The following RHOQ variants were observed in gnomAD, a reference collection of about 807,000 sequenced individuals.
RHOQ encodes the protein ras homolog family member Q.
In RHOQ, 7 loss-of-function variants were observed where a neutral mutation model predicts 25.8. That is an observed-to-expected ratio of 0.27 (90% CI 0.15 to 0.51). The LOEUF (loss-of-function observed/expected upper bound fraction) is 0.51. RHOQ is among the 20% of genes least tolerant of loss of function. RHOQ has a pLI of 0.97. For synonymous variants in RHOQ, 97 were observed against 98.6 expected (o/e 0.98, Z 0.10); for missense variants, 165 against 260.6 (o/e 0.63, Z 2.53).
chr2:46,582,719 C>T lies in RHOQ; in HGVS notation c.*1636C>T, dbSNP rs1418919896. 2 of 152,564 alleles carry T rather than the reference C, an allele frequency of 1.3e-5. No homozygotes were observed. Among genetic ancestry groups the T allele is most frequent in the East Asian group, 1.9e-4 (1 of 5,202 alleles). 9.5% of individuals were successfully genotyped at this position (152,564 alleles called of 1,614,324 possible). On this transcript the variant is annotated 3_prime_UTR_variant, in exon 5 of 5. Transcript: ENST00000238738. ...ACAGATTGGGTAATGGAACACTAAACTTTTATACTTGAAAATGACAGCCTT... is the reference window on the plus strand; with the variant it reads ...ACAGATTGGGTAATGGAACACTAAATTTTTATACTTGAAAATGACAGCCTT...
chr2:46,584,614 T>C lies in RHOQ; in HGVS notation c.*3531T>C, dbSNP rs1669507449. Among the ~76,000 whole-genome samples the C allele has an allele frequency of 6.6e-6, 1 of 152,176 alleles. No individual in the cohort carries two copies. The highest frequency in any genetic ancestry group is 1.5e-5 in the Non-Finnish European group (1 of 68,002). The stretch of plus-strand genomic sequence containing the variant: ...AAGGGTTACGGCTTGGAACACTTGG[T>C]TATTCATGTTATGTAAATCAAGAAG... On this transcript the variant is annotated 3_prime_UTR_variant, in exon 5 of 5. Transcript: ENST00000238738.
chr2:46,553,372 C>G (rs1292539924), intron 2 of RHOQ, among the ~76,000 whole-genome samples: 2 of 151,914 alleles, frequency 1.3e-5, no homozygotes, highest in Admixed American at 6.6e-5. Context: ...TAGGCGTAAA[C>G]ATTTGTGGGG....
chr2:46,558,019 C>A (rs1372964472), intron 2 of RHOQ, among the ~76,000 whole-genome samples: 1 of 152,162 alleles, frequency 6.6e-6, no homozygotes, highest in Non-Finnish European at 1.5e-5. Context: ...CTCAAGTGAA[C>A]AATTATCTTG....
intron 4 of RHOQ, among the ~76,000 whole-genome samples, chr2:46,577,507 C>T (rs140626398): frequency 0.022 from 3,196 of 143,692 alleles, 42 homozygotes; most frequent in Non-Finnish European, 0.033. Flanking sequence ...TCATGCCATT[C>T]TCCTGCCTCA....
At chr2:46,547,541 A>G (rs1244993437) in intron 2 of RHOQ, among the ~76,000 whole-genome samples, 1 of 152,346 alleles carries the variant, frequency 6.6e-6, no homozygotes, top group East Asian at 1.9e-4. Flanking sequence ...GCCAAAGGGA[A>G]CACTTCCCCT....
In RHOQ at chr2:46,576,241, T is replaced by C. The variant is rs142995611; in HGVS notation, c.356T>C (p.Ile119Thr). The change falls in exon 3 of 5, where the codon ATA becomes ACA. Residue 119 changes from isoleucine to threonine, a missense_variant. Transcript: ENST00000238738. This position sits in a 1 kb window ranked among gnomAD's most constrained non-coding sequence, Gnocchi z 5.1. ...EYAPNVPFLL[I>T]GTQIDLRDDP... ...GCACCAAATGTACCCTTTTTATTAA[T>C]AGGAACTCAGGTATGTCTGGTTTGA... The C allele has an allele frequency of 1.1e-4, 177 of 1,609,288 alleles. 4 individuals are homozygous for C. In the Admixed American group the frequency reaches 2.9e-3, roughly 26 times the overall value.
chr2:46,549,175 C>T (rs772522639), intron 2 of RHOQ, among the ~76,000 whole-genome samples: 4 of 152,164 alleles, frequency 2.6e-5, no homozygotes, highest in Non-Finnish European at 4.4e-5. Context: ...ACAGCTTCCC[C>T]GCAGGTATCT....
intron 2 of RHOQ, among the ~76,000 whole-genome samples, chr2:46,561,845 G>A (rs1221620753): frequency 6.6e-6 from 1 of 152,024 alleles, no homozygotes; most frequent in African/African-American, 2.4e-5. Context: ...GAGGAAATAG[G>A]GTCAGAGATA....
rs1668724402 is a variant in RHOQ, at chr2:46,566,146, G to A, written c.202-9941G>A. On this transcript the variant is annotated intron_variant, in intron 2 of 4. Transcript: ENST00000238738. This position sits in a 1 kb window ranked among gnomAD's most constrained non-coding sequence, Gnocchi z 4.2. ...TTTCTGGCTTGTGCACCCTGATTGA[G>A]TGGTGATATCTTCTAGTGAGATGGT... is the stretch of plus-strand genomic sequence containing the variant. Among the ~76,000 whole-genome samples, 1 of 152,206 alleles carries A rather than the reference G, an allele frequency of 6.6e-6. No individual in the cohort carries two copies.
chr2:46,556,452 C>T lies in RHOQ; in HGVS notation c.201+12640C>T, dbSNP rs1303655892. ...AGGCGAGGGCTGATCTCTTCTCTAC[C>T]CTTCTGATATTCTTTTTCTTAAAAA... On this transcript the variant is annotated intron_variant, in intron 2 of 4. Coordinates refer to ENST00000238738, the MANE Select transcript of RHOQ (RefSeq NM_012249.4). This position sits in a 1 kb window ranked among gnomAD's most constrained non-coding sequence, Gnocchi z 4.9. Among the ~76,000 whole-genome samples the T allele has an allele frequency of 6.6e-6, 1 of 151,642 alleles. No individual in the cohort carries two copies. Among genetic ancestry groups the T allele is most frequent in the Non-Finnish European group, 1.5e-5 (1 of 67,964 alleles).
chr2:46,563,853 A>T (rs537373895), intron 2 of RHOQ, among the ~76,000 whole-genome samples: 1 of 151,574 alleles, frequency 6.6e-6, no homozygotes, highest in Non-Finnish European at 1.5e-5. Flanking sequence ...GGGTCTCCCT[A>T]TGTTGCCCAG....
Position 46,576,709 on chromosome 2 carries a change from C to A in RHOQ, c.462+53C>A, listed in dbSNP as rs1268749131. 2.5e-6 allele frequency: 3 copies of A among 1,205,984 alleles called. No homozygotes were observed. The highest frequency in any genetic ancestry group is 1.5e-5 in the African/African-American group (1 of 65,544). The allele number at this position is 1,205,984 out of a possible 1,614,324, so 74.7% of individuals were successfully genotyped here. A position where few individuals can be genotyped will look rare whatever the true frequency, so the allele number is the denominator to read the frequency against. On this transcript the variant is annotated intron_variant, in intron 4 of 4. Transcript: ENST00000238738. This position sits in a 1 kb window ranked among gnomAD's most constrained non-coding sequence, Gnocchi z 5.1. ...ATGAATGTAAAAGATGCTAAGATAA[C>A]AATAGAAGCTAATTTTATTGTGTAT...
intron 2 of RHOQ, among the ~76,000 whole-genome samples, chr2:46,560,861 T>C (rs2104001993): frequency 6.6e-6 from 1 of 152,314 alleles, no homozygotes; most frequent in South Asian, 2.1e-4. Context: ...TAGATTTGGG[T>C]GTTTTGAAGT....
chr2:46,546,944 G>T (rs1668088809), intron 2 of RHOQ, among the ~76,000 whole-genome samples: 2 of 152,116 alleles, frequency 1.3e-5, no homozygotes, highest in African/African-American at 4.8e-5. Flanking sequence ...AATTCCCATA[G>T]TCCCTATTGT....
In RHOQ at chr2:46,570,550, C is replaced by T. The variant is rs75589481; in HGVS notation, c.202-5537C>T. Among the ~76,000 whole-genome samples the T allele has an allele frequency of 2.3e-3, 357 of 152,334 alleles. 8 individuals carry two copies. The South Asian group carries it at 0.041, about 17-fold the overall frequency. On this transcript the variant is annotated intron_variant, in intron 2 of 4. Coordinates refer to ENST00000238738, the MANE Select transcript of RHOQ (RefSeq NM_012249.4). ...AGATGTAGGAGAAAACAGTTGCATT[C>T]TCAGAAGCTGGCTTCATGACATGTG...
chr2:46,546,131 G>A (rs374990032), intron 2 of RHOQ, among the ~76,000 whole-genome samples: 1 of 151,966 alleles, frequency 6.6e-6, no homozygotes, highest in Non-Finnish European at 1.5e-5. Context: ...GCAATGATGA[G>A]ACCAAATGGC....
At position 46,548,284 on chromosome 2, in the gene RHOQ, C is replaced by T. The variant is rs1293161939; in HGVS notation, c.201+4472C>T. Among the ~76,000 whole-genome samples the T allele has an allele frequency of 2.0e-5, 3 of 152,188 alleles. No individual in the cohort carries two copies. The highest frequency in any genetic ancestry group is 1.9e-4 in the East Asian group (1 of 5,186). The stretch of plus-strand genomic sequence containing the variant: ...GGCTGCCCTGCATGCCCTCTGGGTG[C>T]CCACAAGGCACTTCCCCTACAGAAG... On this transcript the variant is annotated intron_variant, in intron 2 of 4. Transcript: ENST00000238738. The surrounding 1 kb of genome is among the most constrained non-coding windows in gnomAD (Gnocchi z 5.2).
At chr2:46,551,054 C>A (rs372632993) in intron 2 of RHOQ, among the ~76,000 whole-genome samples, 1 of 152,264 alleles carries the variant, frequency 6.6e-6, no homozygotes, top group East Asian at 1.9e-4. Context: ...GTGTGGACCC[C>A]CACACTGGAC....
chr2:46,557,535 A>G (rs952586036), intron 2 of RHOQ, among the ~76,000 whole-genome samples: 3 of 152,190 alleles, frequency 2.0e-5, no homozygotes, highest in African/African-American at 7.2e-5. Context: ...TCAGAACAAA[A>G]TAGTCAAAAT....
Sources: gnomAD v4.1 joint callset for allele counts (sites outside exome capture counted in the v4.1 genomes callset) on GRCh38, gnomAD v4.1.1 for gene constraint, Gnocchi (gnomAD v3.1) non-coding constraint, MANE v1.5 for transcripts, NCBI Gene and HGNC (gene_info 2026-07-23, HGNC 2026-07-21) for gene names.